The following LAPTM4B variants were observed in gnomAD, a reference collection of about 807,000 sequenced individuals.
The protein encoded by LAPTM4B is lysosomal protein transmembrane 4 beta, also known as lysosomal-associated transmembrane protein 4B.
LAPTM4B carries 26 observed loss-of-function variants against 28.5 expected under a neutral mutation model. The ratio of observed to expected loss-of-function variants is 0.91; its 90% CI spans 0.67 to 1.27. The LOEUF is 1.27. Among genes scored for constraint, LAPTM4B ranks in the 50% most tolerant of loss-of-function variants. LAPTM4B has a pLI of 0.00. For synonymous variants in LAPTM4B, 109 were observed against 106.4 expected, an observed-to-expected ratio of 1.02 and a Z score of -0.15; for missense variants, 288 against 285.8, an observed-to-expected ratio of 1.01 and a Z score of -0.06.
At chr8:97,792,856 G>A (rs1482129310) in intron 1 of LAPTM4B, among the ~76,000 whole-genome samples, 2 of 152,204 alleles carry the variant, frequency 1.3e-5, no homozygotes, top group Admixed American at 6.5e-5. Context: ...GGGATTACAG[G>A]CGTGAGCCAT....
At chr8:97,850,834 T>G (rs1017924810) in intron 6 of LAPTM4B, among the ~76,000 whole-genome samples, 5 of 149,620 alleles carry the variant, frequency 3.3e-5, no homozygotes, top group African/African-American at 1.3e-4. Context: ...ATAACTATTC[T>G]GTATTCCATT....
At position 97,775,900 on chromosome 8, in the gene LAPTM4B, G is replaced by A. The variant is rs749781076; in HGVS notation, c.-110G>A. 38 of 1,459,402 alleles carry A rather than the reference G, an allele frequency of 2.6e-5. No individual in the cohort carries two copies. The highest frequency in any genetic ancestry group is 2.4e-4 in the Middle Eastern group (1 of 4,166). The allele number at this position is 1,459,402 out of a possible 1,614,324, so 90.4% of individuals were successfully genotyped here. A position where few individuals can be genotyped will look rare whatever the true frequency, so the allele number is the denominator to read the frequency against. On this transcript the variant is annotated 5_prime_UTR_variant, in exon 1 of 7. Coordinates refer to ENST00000521545, the MANE Select transcript of LAPTM4B (RefSeq NM_018407.6). ...CCGCGGGCGCACGGGCGAGCGGGCC[G>A]GGAGCCGGAGCGGCGGAGGAGCCGG...
At chr8:97,777,074 TGCATC>T (rs1298443602) in intron 1 of LAPTM4B, among the ~76,000 whole-genome samples, 9 of 150,628 alleles carry the variant, frequency 6.0e-5, no homozygotes. Flanking sequence ...TGAATACCAC[TGCATC>T]GCGAGAAAAT....
chr8:97,796,016 C>T (rs954749549), intron 1 of LAPTM4B, among the ~76,000 whole-genome samples: 28 of 150,540 alleles, frequency 1.9e-4, no homozygotes, highest in African/African-American at 5.9e-4. Context: ...CTTAGCTTAC[C>T]GCAGCCTCAA....
intron 1 of LAPTM4B, among the ~76,000 whole-genome samples, chr8:97,796,809 C>T (rs1343107122): frequency 2.0e-5 from 3 of 151,906 alleles, no homozygotes; most frequent in South Asian, 2.1e-4. Flanking sequence ...ATGTGGTAGC[C>T]GGCACTTGTA....
chr8:97,848,502 G>T (rs1028454265), intron 6 of LAPTM4B, among the ~76,000 whole-genome samples: 1 of 151,890 alleles, frequency 6.6e-6, no homozygotes, highest in African/African-American at 2.4e-5. Context: ...AATGGTGGGT[G>T]TGATAGCTGA....
At chr8:97,817,919 T>C (rs1291409350) in intron 4 of LAPTM4B, among the ~76,000 whole-genome samples, 2 of 151,890 alleles carry the variant, frequency 1.3e-5, no homozygotes, top group African/African-American at 4.8e-5. Flanking sequence ...GCTCAAGTGA[T>C]CCTTCCACCT....
chr8:97,806,293 C>T lies in LAPTM4B; in HGVS notation c.211+829C>T, dbSNP rs540027342. ...ATCCCTTTTGCTGCTGAGTAGGGTACTGGGTGTGTGAGCACAGAGCCTGGG... is the reference window on the plus strand; with the variant it reads ...ATCCCTTTTGCTGCTGAGTAGGGTATTGGGTGTGTGAGCACAGAGCCTGGG... On this transcript the variant is annotated intron_variant, in intron 2 of 6. Transcript: ENST00000521545. Among the ~76,000 whole-genome samples, 12 of 152,252 alleles carry T rather than the reference C, an allele frequency of 7.9e-5. No individual in the cohort carries two copies. In the South Asian group the frequency reaches 2.5e-3, roughly 32 times the overall value.
Position 97,787,535 on chromosome 8 carries a change from C to T in LAPTM4B, c.99+11427C>T, listed in dbSNP as rs778844548. 5.9e-4 allele frequency among the ~76,000 whole-genome samples: 90 copies of T among 152,176 alleles called. 1 individual carries two copies. The highest frequency in any genetic ancestry group is 2.1e-4 in the Non-Finnish European group (14 of 68,032). On this transcript the variant is annotated intron_variant, in intron 1 of 6. Coordinates refer to ENST00000521545, the MANE Select transcript of LAPTM4B (RefSeq NM_018407.6). ...TCCTGACCTCATGATCCATCCGCCT[C>T]GGCCTCCCAAAGTGCTGGGATTACA...
chr8:97,815,205 T>C lies in LAPTM4B; in HGVS notation c.212-123T>C, dbSNP rs1191556489. On this transcript the variant is annotated intron_variant, in intron 2 of 6. Coordinates refer to ENST00000521545, the MANE Select transcript of LAPTM4B (RefSeq NM_018407.6). ...TCTATTTTGAAATAATCTCTTAGTA[T>C]AAAGTATTTACTAACTTTATGCTAG... The C allele has an allele frequency of 7.0e-6, 5 of 713,310 alleles. No homozygotes were observed. The Admixed American group carries it at 1.1e-4, about 16-fold the overall frequency. 44.2% of individuals were successfully genotyped at this position (713,310 alleles called of 1,614,324 possible).
At chr8:97,840,876 T>G (rs1157978377) in intron 6 of LAPTM4B, among the ~76,000 whole-genome samples, 7 of 99,504 alleles carry the variant, frequency 7.0e-5, no homozygotes, top group African/African-American at 1.2e-4. Context: ...AGACGGTGGG[T>G]AGCTGGGCAG....
intron 6 of LAPTM4B, among the ~76,000 whole-genome samples, chr8:97,827,248 T>C (rs893449408): frequency 1.9e-4 from 29 of 152,330 alleles, no homozygotes; most frequent in African/African-American, 7.0e-4. Context: ...TAAGGCAGGA[T>C]TCTAATCTTC....
Position 97,776,220 on chromosome 8 carries a change from A to G in LAPTM4B, c.99+112A>G, listed in dbSNP as rs1816211603. The G allele has an allele frequency of 1.8e-5, 22 of 1,229,730 alleles. 1 individual carries two copies. In the South Asian group the frequency reaches 3.0e-4, roughly 17 times the overall value. The allele number at this position is 1,229,730 out of a possible 1,614,324, so 76.2% of individuals were successfully genotyped here. On this transcript the variant is annotated intron_variant, in intron 1 of 6. Coordinates refer to ENST00000521545, the MANE Select transcript of LAPTM4B (RefSeq NM_018407.6). ...CGTGCGCTCATCCGCCTAAAGTTGTATTATTAGAAACTTAATTCTCCGGGT... is the reference window on the plus strand; with the variant it reads ...CGTGCGCTCATCCGCCTAAAGTTGTGTTATTAGAAACTTAATTCTCCGGGT...
intron 2 of LAPTM4B, among the ~76,000 whole-genome samples, chr8:97,806,001 G>A (rs140499134): frequency 2.6e-5 from 4 of 152,212 alleles, no homozygotes; most frequent in South Asian, 2.1e-4. Context: ...TCATTATGCC[G>A]AGTCCATGCC....
chr8:97,845,864 T>TCCCCCCCCCC (rs1563624191), intron 6 of LAPTM4B, among the ~76,000 whole-genome samples: 1 of 5,744 alleles, frequency 1.7e-4, no homozygotes. Context: ...TTCCCCCCCC[T>TCCCCCCCCCC]TCCACTCCCC....
chr8:97,828,410 A>C (rs575832894), intron 6 of LAPTM4B, among the ~76,000 whole-genome samples: 2 of 152,108 alleles, frequency 1.3e-5, no homozygotes, highest in African/African-American at 4.8e-5. Context: ...ATGAACAGAG[A>C]GATTAGCCTG....
chr8:97,842,792 C>T (rs1030405398), intron 6 of LAPTM4B, among the ~76,000 whole-genome samples: 10 of 152,154 alleles, frequency 6.6e-5, no homozygotes, highest in African/African-American at 2.2e-4. Flanking sequence ...GCTGGGACTA[C>T]AGGCGTGAGC....
At chr8:97,782,279 CTTTTTTTTT>C (rs34322160) in intron 1 of LAPTM4B, among the ~76,000 whole-genome samples, 3 of 50,254 alleles carry the variant, frequency 6.0e-5, no homozygotes, top group African/African-American at 1.4e-4. Flanking sequence ...CCATGCCCAG[CTTTTTTTTT>C]TTTTTTTTTT....
intron 5 of LAPTM4B, among the ~76,000 whole-genome samples, chr8:97,824,379 T>G (rs1237380370): frequency 6.6e-6 from 1 of 152,204 alleles, no homozygotes; most frequent in Non-Finnish European, 1.5e-5. Flanking sequence ...ATTTTAATGT[T>G]AAGGGATTTT....
Sources: gnomAD v4.1 joint callset for allele counts (sites outside exome capture counted in the v4.1 genomes callset) on GRCh38, gnomAD v4.1.1 for gene constraint, MANE v1.5 for transcripts, NCBI Gene and HGNC (gene_info 2026-07-23, HGNC 2026-07-21) for gene names.